The following BARX2 variants were observed in gnomAD, a reference collection of about 807,000 sequenced individuals.
BARX2 encodes the protein homeobox protein BarH-like 2.
Under a neutral mutation model 25.5 loss-of-function variants are expected in BARX2, and 11 were observed. The ratio of observed to expected loss-of-function variants is 0.43; its 90% CI spans 0.27 to 0.71. The LOEUF (loss-of-function observed/expected upper bound fraction) is 0.71, where lower values mean the gene tolerates loss of function less well. Among genes scored for constraint, BARX2 ranks in the 30% least tolerant of loss-of-function variants. The pLI, the probability that BARX2 is intolerant of heterozygous loss-of-function variation, is 0.19. For synonymous variants in BARX2, 137 were observed against 149.5 expected, an observed-to-expected ratio of 0.92 and a Z score of 0.61; for missense variants, 360 against 359.9, an observed-to-expected ratio of 1.00 and a Z score of 0.00.
At chr11:129,379,485 C>T (rs1195078056) in intron 1 of BARX2, among the ~76,000 whole-genome samples, 1 of 151,990 alleles carries the variant, frequency 6.6e-6, no homozygotes, top group African/African-American at 2.4e-5. Context: ...TTTAGGATAT[C>T]ATAAATACAC....
At chr11:129,431,307 A>G (rs1862126641) in intron 1 of BARX2, among the ~76,000 whole-genome samples, 1 of 152,116 alleles carries the variant, frequency 6.6e-6, no homozygotes, top group Non-Finnish European at 1.5e-5. Context: ...ACTTGGGTTA[A>G]TATCTGGGGG....
chr11:129,383,493 T>C lies in BARX2; in HGVS notation c.187+7271T>C, dbSNP rs186479279. On this transcript the variant is annotated intron_variant, in intron 1 of 3. Transcript: ENST00000281437. ...GTCACTAAGGAGAGACTCTGGTTTCTTGAGTGCCAGTTGAAATTGAATACA... is the reference window on the plus strand; with the variant it reads ...GTCACTAAGGAGAGACTCTGGTTTCCTGAGTGCCAGTTGAAATTGAATACA... Among the ~76,000 whole-genome samples, 36 of 152,326 alleles carry C rather than the reference T, an allele frequency of 2.4e-4. No individual in the cohort carries two copies. The East Asian group carries it at 6.4e-3, about 27-fold the overall frequency.
intron 1 of BARX2, among the ~76,000 whole-genome samples, chr11:129,433,493 C>T (rs1251135346): frequency 6.6e-6 from 1 of 152,178 alleles, no homozygotes; most frequent in African/African-American, 2.4e-5. Flanking sequence ...AAGTGATTTG[C>T]CCTGACCTAC....
Position 129,376,897 on chromosome 11 carries a change from G to T in BARX2, c.187+675G>T. On this transcript the variant is annotated intron_variant, in intron 1 of 3. Transcript: ENST00000281437. This position sits in a 1 kb window ranked among gnomAD's most constrained non-coding sequence, Gnocchi z 4.2. ...CTCACACCTGGTTTTCTCTCTTCACGGGAGGTAAGAGCAATAGTAAAGATA... is the reference window on the plus strand; with the variant it reads ...CTCACACCTGGTTTTCTCTCTTCACTGGAGGTAAGAGCAATAGTAAAGATA... Among the ~76,000 whole-genome samples the T allele has an allele frequency of 6.6e-6, 1 of 152,288 alleles. No individual in the cohort carries two copies.
intron 1 of BARX2, among the ~76,000 whole-genome samples, chr11:129,399,393 C>T (rs923271230): frequency 6.6e-6 from 1 of 152,208 alleles, no homozygotes; most frequent in Non-Finnish European, 1.5e-5. Context: ...CTCTGTCTCT[C>T]TCTCTCTCTT....
At chr11:129,383,750 C>T (rs1387389449) in intron 1 of BARX2, among the ~76,000 whole-genome samples, 1 of 152,202 alleles carries the variant, frequency 6.6e-6, no homozygotes, top group Non-Finnish European at 1.5e-5. Context: ...TAACTACGTT[C>T]CATGTACAAG....
chr11:129,382,892 G>A (rs1447738676), intron 1 of BARX2, among the ~76,000 whole-genome samples: 1 of 152,222 alleles, frequency 6.6e-6, no homozygotes, highest in Non-Finnish European at 1.5e-5. Context: ...ACGAGAAGAA[G>A]AGAAGCATTG....
At position 129,436,706 on chromosome 11, in the gene BARX2, C is replaced by T. The variant is rs139856685; in HGVS notation, c.188-45C>T. Reference sequence around the variant, plus strand: ...CCTCCGCAGGTCCTGGCCTGCTTCCCCACACCGTTCCCTGTGGTGACCTGC... The same window carrying T: ...CCTCCGCAGGTCCTGGCCTGCTTCCTCACACCGTTCCCTGTGGTGACCTGC... On this transcript the variant is annotated intron_variant, in intron 1 of 3. Coordinates refer to ENST00000281437, the MANE Select transcript of BARX2 (RefSeq NM_003658.5). This position sits in a 1 kb window ranked among gnomAD's most constrained non-coding sequence, Gnocchi z 4.5. 242 of 1,526,374 alleles carry T rather than the reference C, an allele frequency of 1.6e-4. No homozygotes were observed. In the African/African-American group the frequency reaches 2.8e-3, roughly 18 times the overall value. The allele number at this position is 1,526,374 out of a possible 1,614,324, so 94.6% of individuals were successfully genotyped here.
chr11:129,386,567 C>T (rs938655246), intron 1 of BARX2, among the ~76,000 whole-genome samples: 1 of 152,200 alleles, frequency 6.6e-6, no homozygotes, highest in African/African-American at 2.4e-5. Flanking sequence ...ATGGTGATCT[C>T]ACAGAGATGT....
Position 129,451,171 on chromosome 11 carries a change from C to A in BARX2, c.609C>A (p.Pro203=), listed in dbSNP as rs10791011. ...LKGGQEAPTK[P]KGRPKKNSIP... ...GTGGACAGGAAGCACCCACAAAACC[C>A]AAAGGTCGCCCCAAGAAGAACTCCA... is the stretch of plus-strand genomic sequence containing the variant. The change falls in exon 4 of 4, where the codon CCC becomes CCA. Residue 203 remains proline (P), a synonymous_variant. Transcript: ENST00000281437. 3.1e-6 allele frequency: 5 copies of A among 1,613,760 alleles called. No homozygotes were observed. The South Asian group carries it at 5.5e-5, about 18-fold the overall frequency.
intron 1 of BARX2, among the ~76,000 whole-genome samples, chr11:129,416,781 A>G (rs901126552): frequency 6.6e-6 from 1 of 151,850 alleles, no homozygotes; most frequent in Non-Finnish European, 1.5e-5. Context: ...GATGGTTTCC[A>G]CTGAGATTTT....
intron 1 of BARX2, among the ~76,000 whole-genome samples, chr11:129,399,994 C>T (rs1251648279): frequency 6.6e-6 from 1 of 152,170 alleles, no homozygotes; most frequent in East Asian, 1.9e-4. Flanking sequence ...CGAGTCCAAC[C>T]TCCTACCTCA....
intron 1 of BARX2, among the ~76,000 whole-genome samples, chr11:129,431,979 ATTTTATTTATT>A (rs774900579): frequency 3.6e-4 from 51 of 143,550 alleles, no homozygotes; most frequent in Non-Finnish European, 5.1e-4. Flanking sequence ...GGCTCTTATT[ATTTTATTTATT>A]TTTATTTTTA....
At chr11:129,438,921 G>A (rs181788078) in intron 2 of BARX2, among the ~76,000 whole-genome samples, 199 of 152,304 alleles carry the variant, frequency 1.3e-3, no homozygotes, top group African/African-American at 4.7e-3. Context: ...AGGAAGTCCC[G>A]CACTGAGGGG....
intron 3 of BARX2, among the ~76,000 whole-genome samples, chr11:129,449,157 A>C (rs1455749726): frequency 6.6e-6 from 1 of 152,216 alleles, no homozygotes; most frequent in Non-Finnish European, 1.5e-5. Flanking sequence ...TGACTATCCT[A>C]AAAATCACTG....
At chr11:129,447,711 G>A (rs1027906207) in intron 3 of BARX2, among the ~76,000 whole-genome samples, 2 of 152,068 alleles carry the variant, frequency 1.3e-5, no homozygotes, top group Non-Finnish European at 2.9e-5. Context: ...CAGCCAGGTG[G>A]GGTCCGTCCA....
intron 1 of BARX2, among the ~76,000 whole-genome samples, chr11:129,386,122 GAATA>G (rs1244010409): frequency 1.3e-5 from 2 of 152,186 alleles, no homozygotes; most frequent in Non-Finnish European, 2.9e-5. Context: ...CTTTGGCATA[GAATA>G]AATAGTCTCT....
intron 1 of BARX2, among the ~76,000 whole-genome samples, chr11:129,419,544 G>A (rs574162054): frequency 2.0e-4 from 31 of 152,314 alleles, no homozygotes; most frequent in African/African-American, 6.5e-4. Flanking sequence ...TCTCAGACAT[G>A]TGACCTCATC....
At chr11:129,402,198 G>A (rs535321014) in intron 1 of BARX2, among the ~76,000 whole-genome samples, 10 of 152,042 alleles carry the variant, frequency 6.6e-5, no homozygotes, top group Non-Finnish European at 1.2e-4. Flanking sequence ...AAGAGGCATC[G>A]CTGTATACCA....
Sources: allele counts gnomAD v4.1 joint callset (sites outside exome capture counted in the v4.1 genomes callset), GRCh38; gene constraint gnomAD v4.1.1; non-coding constraint Gnocchi (gnomAD v3.1); transcripts MANE v1.5; gene names NCBI Gene and HGNC (gene_info 2026-07-23, HGNC 2026-07-21).